The following FRMPD4 variants were observed in gnomAD, a reference collection of about 807,000 sequenced individuals.
The protein encoded by FRMPD4 is FERM and PDZ domain containing 4.
Under a neutral mutation model 94.1 loss-of-function variants are expected in FRMPD4, and 22 were observed. The ratio of observed to expected loss-of-function variants is 0.23; its 90% CI spans 0.17 to 0.33. FRMPD4 has a LOEUF of 0.33. FRMPD4 is among the 10% of genes least tolerant of loss of function. The pLI is 1.00. For missense variants in FRMPD4, 1,111 were observed against 1,339.9 expected (o/e 0.83, Z 2.67); for synonymous variants, 631 against 548.6 (o/e 1.15, Z -2.10).
At chrX:12,227,804 GA>G (rs1279093169) in intron 1 of FRMPD4, among the ~76,000 whole-genome samples, 2 of 96,882 alleles carry the variant, frequency 2.1e-5, no homozygotes, top group Admixed American at 1.2e-4. Context: ...CTGTCTTAAA[GA>G]AAAAAAAGAG....
intron 1 of FRMPD4, among the ~76,000 whole-genome samples, chrX:12,150,150 G>C (rs1179398580): frequency 8.9e-6 from 1 of 112,143 alleles, no homozygotes; most frequent in Non-Finnish European, 1.9e-5. Flanking sequence ...CAGTAGTCTG[G>C]AACCAAACCT....
chrX:12,202,953 A>G (rs1164454208), intron 1 of FRMPD4, among the ~76,000 whole-genome samples: 1 of 112,294 alleles, frequency 8.9e-6, no homozygotes, highest in Non-Finnish European at 1.9e-5. Context: ...GAACCTTCAG[A>G]GGAAGCATGG....
intron 1 of FRMPD4, among the ~76,000 whole-genome samples, chrX:12,193,752 CAGAAAGAA>C (rs775933381): frequency 1.2e-4 from 2 of 16,492 alleles, no homozygotes; most frequent in Non-Finnish European, 1.8e-4. Flanking sequence ...CCGAAAGAAA[CAGAAAGAA>C]AGAAAGAAAG....
chrX:12,057,201 A>C (rs1412377107), intron 3 of FRMPD4, among the ~76,000 whole-genome samples: 2 of 111,766 alleles, frequency 1.8e-5, no homozygotes, highest in Non-Finnish European at 3.8e-5. Context: ...AACAGAGCCT[A>C]ATTTCGTCTC....
chrX:12,603,318 G>A (rs928022345), intron 2 of FRMPD4, among the ~76,000 whole-genome samples: 1 of 111,952 alleles, frequency 8.9e-6, no homozygotes, highest in African/African-American at 3.3e-5. Flanking sequence ...CACATATTTT[G>A]AAAAGGACTT....
At chrX:12,518,098 T>G (rs1246788406) in intron 2 of FRMPD4, among the ~76,000 whole-genome samples, 2 of 112,009 alleles carry the variant, frequency 1.8e-5, no homozygotes, top group Admixed American at 1.9e-4. Context: ...CCCCTCCCCC[T>G]GGGAGGTCAG....
chrX:12,679,462 G>A (rs140861508), intron 5 of FRMPD4, among the ~76,000 whole-genome samples: 2,433 of 111,213 alleles, frequency 0.022, 72 homozygotes, highest in African/African-American at 0.074. Context: ...GGGTCAGGGT[G>A]GAACACACAA....
chrX:12,661,276 A>G (rs1021366892), intron 4 of FRMPD4, among the ~76,000 whole-genome samples: 10 of 112,590 alleles, frequency 8.9e-5, no homozygotes, highest in African/African-American at 3.2e-4. Flanking sequence ...ACAATTATCC[A>G]GTTTTTAAGG....
rs10533802 is a variant in FRMPD4 at position 12,130,102 on chromosome X, A to AAGAGAGAGAGAGAGAGAG, written c.95+252100_95+252117dup. Among the ~76,000 whole-genome samples, 130 of 92,717 alleles carry AAGAGAGAGAGAGAGAGAG rather than the reference A, an allele frequency of 1.4e-3. 1 individual carries two copies. The highest frequency in any genetic ancestry group is 2.0e-3 in the Non-Finnish European group (93 of 47,373). 80.5% of individuals were successfully genotyped at this position (92,717 alleles called of 115,157 possible). ...TTAAATGGAAAAAGGGAGCCAGCGG[A>AAGAGAGAGAGAGAGAGAG]AGAGAGAGAGAGAGAGAGAGAGAGA... is the stretch of plus-strand genomic sequence containing the variant. On this transcript the variant is annotated intron_variant, in intron 3 of 18. Transcript: ENST00000640291.
chrX:12,007,736 A>G (rs1017744187), intron 3 of FRMPD4, among the ~76,000 whole-genome samples: 6 of 112,782 alleles, frequency 5.3e-5, no homozygotes, highest in African/African-American at 1.9e-4. Context: ...CCTACCTGCT[A>G]CTGGTCACCA....
At chrX:12,183,042 C>T (rs923803109) in intron 1 of FRMPD4, among the ~76,000 whole-genome samples, 2 of 111,052 alleles carry the variant, frequency 1.8e-5, no homozygotes, top group Non-Finnish European at 3.8e-5. Flanking sequence ...TGCTCCTGAC[C>T]TATGTTTCCT....
chrX:12,071,665 C>T (rs2054969638), intron 3 of FRMPD4, among the ~76,000 whole-genome samples: 1 of 111,435 alleles, frequency 9.0e-6, no homozygotes, highest in African/African-American at 3.3e-5. Context: ...TCTGCTCCCG[C>T]TTGTCTCCTT....
At chrX:12,626,349 AGAG>A (rs2059346820) in intron 4 of FRMPD4, among the ~76,000 whole-genome samples, 1 of 108,387 alleles carries the variant, frequency 9.2e-6, no homozygotes, top group Non-Finnish European at 1.9e-5. Flanking sequence ...ATCAATCCAA[AGAG>A]GAGTACACCA....
chrX:11,900,147 C>G (rs2053926777), intron 3 of FRMPD4, among the ~76,000 whole-genome samples: 1 of 109,838 alleles, frequency 9.1e-6, no homozygotes, highest in African/African-American at 3.3e-5. Context: ...GGCTTTTTCC[C>G]CTCTCTTATG....
chrX:11,984,765 C>T (rs1157382390), intron 3 of FRMPD4, among the ~76,000 whole-genome samples: 1 of 112,045 alleles, frequency 8.9e-6, no homozygotes, highest in Middle Eastern at 4.6e-3. Context: ...ACCTACAGAA[C>T]GTGAGAAAAT....
At chrX:12,659,922 C>T (rs2059697843) in intron 4 of FRMPD4, among the ~76,000 whole-genome samples, 1 of 112,090 alleles carries the variant, frequency 8.9e-6, no homozygotes, top group African/African-American at 3.2e-5. Context: ...ACTCTCTTAG[C>T]AGTAGTTTCC....
intron 3 of FRMPD4, among the ~76,000 whole-genome samples, chrX:12,013,105 G>C (rs764592012): frequency 1.9e-4 from 21 of 112,033 alleles, no homozygotes; most frequent in East Asian, 5.6e-4. Context: ...CTGGTTCAGA[G>C]GGAGTCATTA....
intron 3 of FRMPD4, among the ~76,000 whole-genome samples, chrX:12,091,099 C>A (rs1376512883): frequency 8.9e-6 from 1 of 112,146 alleles, no homozygotes; most frequent in Non-Finnish European, 1.9e-5. Context: ...CTGTTCTGAG[C>A]ACATCACATC....
intron 1 of FRMPD4, among the ~76,000 whole-genome samples, chrX:12,257,152 G>A (rs2054125445): frequency 9.0e-6 from 1 of 111,682 alleles, no homozygotes; most frequent in Non-Finnish European, 1.9e-5. Flanking sequence ...CTTTCTTTGT[G>A]CTATAAATGT....
Sources: allele counts gnomAD v4.1 joint callset (sites outside exome capture counted in the v4.1 genomes callset), GRCh38; gene constraint gnomAD v4.1.1; transcripts MANE v1.5; gene names NCBI Gene and HGNC (gene_info 2026-07-23, HGNC 2026-07-21).